Variants in SGPL1 observed in about 807,000 individuals in gnomAD.
SGPL1 encodes SP-lyase 1.
Under a neutral mutation model 68.9 loss-of-function variants are expected in SGPL1, and 37 were observed. The observed-to-expected ratio is 0.54, with a 90% CI of 0.41 to 0.71. SGPL1 has a LOEUF of 0.71. Ranked by LOEUF, SGPL1 falls within the 30% of genes least tolerant of loss-of-function variation. SGPL1 has a pLI of 0.00. For missense variants in SGPL1, 551 were observed against 704.6 expected (o/e 0.78, Z 2.47); for synonymous variants, 236 against 248.5 (o/e 0.95, Z 0.47).
intron 2 of SGPL1, among the ~76,000 whole-genome samples, chr10:70,839,718 CA>C (rs969839826): frequency 4.0e-5 from 6 of 151,684 alleles, no homozygotes; most frequent in African/African-American, 1.5e-4. Context: ...GATATATAGA[CA>C]AAAAAGTACT....
rs755946803 is a variant in SGPL1, at chr10:70,854,680, G to T, written c.262-28G>T. 18 of 1,592,622 alleles carry T rather than the reference G, an allele frequency of 1.1e-5. No homozygotes were observed. The South Asian group carries it at 1.9e-4, about 16-fold the overall frequency. On this transcript the variant is annotated intron_variant, in intron 4 of 14. Transcript: ENST00000373202. ...TGTCTCTACTGTACTCTTGCATCTGGATAACTTTGTCTTTCTTACCTTTGG... is the reference window on the plus strand; with the variant it reads ...TGTCTCTACTGTACTCTTGCATCTGTATAACTTTGTCTTTCTTACCTTTGG...
chr10:70,865,925 G>T (rs187139926), intron 7 of SGPL1, among the ~76,000 whole-genome samples: 23 of 152,310 alleles, frequency 1.5e-4, no homozygotes, highest in African/African-American at 5.5e-4. Flanking sequence ...GTTAAAGTGA[G>T]AGTTTTTATA....
Position 70,861,843 on chromosome 10 carries a change from C to T in SGPL1, c.615+2344C>T, listed in dbSNP as rs560820190. On this transcript the variant is annotated intron_variant, in intron 7 of 14. Coordinates refer to ENST00000373202, the MANE Select transcript of SGPL1 (RefSeq NM_003901.4). ...CAGTAGTGCCGGCCTACCGGCACTG[C>T]GCTCGATTTCTCGCTGGGCCTTAGC... Among the ~76,000 whole-genome samples, 41 of 152,346 alleles carry T rather than the reference C, an allele frequency of 2.7e-4. No homozygotes were observed. The South Asian group carries it at 4.8e-3, about 18-fold the overall frequency.
intron 8 of SGPL1, among the ~76,000 whole-genome samples, chr10:70,868,784 T>C (rs1011225381): frequency 2.6e-5 from 4 of 152,202 alleles, no homozygotes; most frequent in African/African-American, 9.6e-5. Flanking sequence ...GAAACCTCTC[T>C]AGGTACTTTA....
intron 7 of SGPL1, among the ~76,000 whole-genome samples, chr10:70,861,641 A>G (rs1846057229): frequency 6.6e-6 from 1 of 152,068 alleles, no homozygotes; most frequent in African/African-American, 2.4e-5. Flanking sequence ...GGAGGTGTGG[A>G]GGGAGAGGCG....
intron 2 of SGPL1, 79 bp downstream of exon 2, chr10:70,816,959 A>G (rs1253674947): frequency 1.5e-6 from 2 of 1,299,048 alleles, no homozygotes; most frequent in Non-Finnish European, 2.2e-6. Flanking sequence ...CAGTGTGTAG[A>G]TTTCACCTCT....
At chr10:70,872,405 G>A (rs80132766) in intron 11 of SGPL1, among the ~76,000 whole-genome samples, 4 of 152,146 alleles carry the variant, frequency 2.6e-5, no homozygotes, top group African/African-American at 7.2e-5. Flanking sequence ...GCTCCTGAGC[G>A]TACATGACGG....
In SGPL1 at chr10:70,877,421, T is replaced by C. The variant is rs544160855; in HGVS notation, c.*86T>C. On this transcript the variant is annotated 3_prime_UTR_variant, in exon 15 of 15. Transcript: ENST00000373202. ...ACAGGCCGTGCACAACTTTGACATC[T>C]GGTCTTGCTCCATAGAGCACAACTC... The C allele has an allele frequency of 7.3e-7, 1 of 1,368,580 alleles. No homozygotes were observed. Among genetic ancestry groups the C allele is most frequent in the Non-Finnish European group, 1.0e-6 (1 of 964,908 alleles). 84.8% of individuals were successfully genotyped at this position (1,368,580 alleles called of 1,614,324 possible).
intron 3 of SGPL1, among the ~76,000 whole-genome samples, chr10:70,847,241 G>A (rs901301235): frequency 6.6e-6 from 1 of 151,988 alleles, no homozygotes; most frequent in African/African-American, 2.4e-5. Context: ...TCTGCCTCCC[G>A]GGTTCAAGCA....
chr10:70,831,154 C>T (rs147702720), intron 2 of SGPL1, among the ~76,000 whole-genome samples: 37 of 152,208 alleles, frequency 2.4e-4, no homozygotes, highest in Admixed American at 1.6e-3. Context: ...TCTGGTAACC[C>T]GGAGGGGCGT....
At chr10:70,842,847 T>C (rs1243527491) in intron 2 of SGPL1, among the ~76,000 whole-genome samples, 1 of 152,194 alleles carries the variant, frequency 6.6e-6, no homozygotes, top group African/African-American at 2.4e-5. Flanking sequence ...ACTCATTTAC[T>C]TGGGCACTGT....
intron 1 of SGPL1, among the ~76,000 whole-genome samples, 163 bp downstream of exon 1, chr10:70,816,289 C>A (rs1314301589): frequency 7.0e-6 from 1 of 143,678 alleles, no homozygotes; most frequent in African/African-American, 2.6e-5. Context: ...GGGCACCAGC[C>A]GCTGAGGTCC....
intron 2 of SGPL1, among the ~76,000 whole-genome samples, chr10:70,823,709 A>C (rs896850389): frequency 6.7e-6 from 1 of 149,706 alleles, no homozygotes; most frequent in Non-Finnish European, 1.5e-5. Context: ...AGATATATAT[A>C]TCTTTTAAAA....
At chr10:70,844,429 C>T in intron 2 of SGPL1, 44 bp from the exon 3 acceptor site, 1 of 1,559,050 alleles carries the variant, frequency 6.4e-7, no homozygotes, top group Non-Finnish European at 8.8e-7. Context: ...GACTTCTTTT[C>T]TCTCTCTAAA....
At chr10:70,824,968 CTT>C (rs33942248) in intron 2 of SGPL1, among the ~76,000 whole-genome samples, 10 of 141,316 alleles carry the variant, frequency 7.1e-5, no homozygotes, top group Admixed American at 7.1e-5. Flanking sequence ...TGTTTTTTCT[CTT>C]TTTTTTTTTT....
intron 2 of SGPL1, among the ~76,000 whole-genome samples, chr10:70,823,676 A>C (rs1346515424): frequency 1.3e-5 from 2 of 149,106 alleles, no homozygotes; most frequent in Admixed American, 1.3e-4. Flanking sequence ...AGGAAACAAA[A>C]CAGTACATAT....
At position 70,875,252 on chromosome 10, in the gene SGPL1, C is replaced by CT; in HGVS notation, c.1299-148dup. 3 of 590,096 alleles carry CT rather than the reference C, an allele frequency of 5.1e-6. No individual in the cohort carries two copies. In the South Asian group the frequency reaches 6.3e-5, roughly 12 times the overall value. The allele number at this position is 590,096 out of a possible 1,614,324, so 36.6% of individuals were successfully genotyped here. ...AGAACCACTGATCCAGTGTAGCCCT[C>CT]TTCTTTTTTGAAGATGAGAAGACTA... is the stretch of plus-strand genomic sequence containing the variant. On this transcript the variant is annotated intron_variant, in intron 12 of 14. Transcript: ENST00000373202.
rs567868498 is a variant in SGPL1, at chr10:70,857,667, A to G, written c.463A>G (p.Lys155Glu). ...ASGTVYSGEEKLTELLVKAYG... is the reference protein window; with the variant it reads ...ASGTVYSGEEELTELLVKAYG... The stretch of plus-strand genomic sequence containing the variant: ...TGGAACAGTGTACAGTGGGGAGGAG[A>G]AGCTCACTGAGCTCCTTGTGAAGGT... Residue 155 changes from lysine (K) to glutamate (E), a missense_variant, in exon 6 of 15, where the codon AAG (lysine) becomes GAG (glutamate). Coordinates refer to ENST00000373202, the MANE Select transcript of SGPL1 (RefSeq NM_003901.4). 15 of 1,612,358 alleles carry G rather than the reference A, an allele frequency of 9.3e-6. No homozygotes were observed. The highest frequency in any genetic ancestry group is 1.7e-5 in the Admixed American group (1 of 59,800).
In SGPL1 at chr10:70,871,070, G is replaced by A; in HGVS notation, c.833G>A (p.Arg278Lys). 1.9e-6 allele frequency: 3 copies of A among 1,613,862 alleles called. No individual in the cohort carries two copies. Among genetic ancestry groups the A allele is most frequent in the Non-Finnish European group, 2.5e-6 (3 of 1,179,790 alleles). Residue 278 changes from arginine (R) to lysine (K), a missense_variant, in exon 10 of 15, where the codon AGG becomes AAG. Transcript: ENST00000373202. ...TAGGCAATGAGAAGAGCTATCTCCAGGAACACTGCCATGCTCGTCTGTTCT... is the reference window on the plus strand; with the variant it reads ...TAGGCAATGAGAAGAGCTATCTCCAAGAACACTGCCATGCTCGTCTGTTCT... ...DVRAMRRAIS[R>K]NTAMLVCSTP...
Sources: allele counts gnomAD v4.1 joint callset (sites outside exome capture counted in the v4.1 genomes callset), GRCh38; gene constraint gnomAD v4.1.1; transcripts MANE v1.5; gene names NCBI Gene and HGNC (gene_info 2026-07-23, HGNC 2026-07-21).